P4HA3: variants seen among roughly 807,000 people sequenced by gnomAD.
The protein encoded by P4HA3 is prolyl 4-hydroxylase subunit alpha 3.
P4HA3 carries 60 observed loss-of-function variants against 66.7 expected under a neutral mutation model. The observed-to-expected ratio is 0.90, with a 90% CI of 0.73 to 1.12. P4HA3 has a LOEUF of 1.12. Ranked by LOEUF, P4HA3 falls within the 50% of genes most tolerant of loss-of-function variation. The pLI, the probability that P4HA3 is intolerant of heterozygous loss-of-function variation, is 0.00. For missense variants in P4HA3, 683 were observed against 685.8 expected, an observed-to-expected ratio of 1.00 and a Z score of 0.05; for synonymous variants, 263 against 274.6, an observed-to-expected ratio of 0.96 and a Z score of 0.42.
chr11:74,251,318 G>T, intron 15 of P4HA3: 1 of 1,362,004 alleles, frequency 7.3e-7, no homozygotes, highest in Non-Finnish European at 9.4e-7. Context: ...GGGATGATTA[G>T]GGTAGAAACT....
chr11:74,278,668 G>A (rs1183815287), intron 8 of P4HA3, among the ~76,000 whole-genome samples: 2 of 152,158 alleles, frequency 1.3e-5, no homozygotes, highest in African/African-American at 4.8e-5. Context: ...CAATGAGGCT[G>A]AGGTCATAGG....
intron 9 of P4HA3, among the ~76,000 whole-genome samples, chr11:74,276,010 T>C (rs533620994): frequency 6.6e-6 from 1 of 152,318 alleles, no homozygotes; most frequent in Admixed American, 6.5e-5. Flanking sequence ...GCAACATGGA[T>C]GGAGCTGGAG....
chr11:74,268,210 C>T lies in P4HA3; in HGVS notation c.1499G>A (p.Arg500Lys). The T allele has an allele frequency of 6.2e-7, 1 of 1,614,108 alleles. No homozygotes were observed. The highest frequency in any genetic ancestry group is 8.5e-7 in the Non-Finnish European group (1 of 1,179,988). The part of the protein sequence containing the change: ...NAALFWWNLH[R>K]SGEGDSDTLH... ...TGTGTCACTGTCCCCTTCACCACTC[C>T]TGTGCAGGTTCCACCAAAACAGTGC... Residue 500 changes from arginine to lysine, a missense_variant, in exon 12 of 13, where the codon AGG becomes AAG. Transcript: ENST00000331597.
At chr11:74,250,896 C>A in intron 15 of P4HA3, 1 of 1,431,314 alleles carries the variant, frequency 7.0e-7, no homozygotes, top group Non-Finnish European at 9.7e-7. Flanking sequence ...ACCTATGAGG[C>A]TGCATAAGAG....
intron 5 of P4HA3, chr11:74,287,261 G>A (rs1050278780): frequency 8.5e-6 from 11 of 1,289,260 alleles, no homozygotes; most frequent in Admixed American, 2.3e-5. Context: ...TCTCTGAGGA[G>A]CCCAGTGTGC....
chr11:74,256,235 G>A lies in P4HA3; in HGVS notation c.*1318+3688C>T, dbSNP rs527739489. Among the ~76,000 whole-genome samples, 3 of 152,272 alleles carry A rather than the reference G, an allele frequency of 2.0e-5. No individual in the cohort carries two copies. The East Asian group carries it at 5.8e-4, about 29-fold the overall frequency. ...GGGACCCTGGGCAGAAGTCATTTTG[G>A]ACCAGATACTTAAAAGAGCAGAAGG... is the stretch of plus-strand genomic sequence containing the variant. On this transcript the variant is annotated intron_variant and NMD_transcript_variant, in intron 15 of 15. Coordinates refer to the P4HA3 transcript ENST00000524388.
intron 10 of P4HA3, among the ~76,000 whole-genome samples, chr11:74,271,541 T>A (rs1367427633): frequency 1.1e-4 from 16 of 152,090 alleles, no homozygotes; most frequent in Admixed American, 7.9e-4. Context: ...CTTTTTTTTT[T>A]AATAGAGACA....
chr11:74,255,577 TGAG>T (rs1565399834), intron 15 of P4HA3, among the ~76,000 whole-genome samples: 1 of 152,138 alleles, frequency 6.6e-6, no homozygotes, highest in Non-Finnish European at 1.5e-5. Flanking sequence ...CACAGGGTCT[TGAG>T]GATTATACAA....
chr11:74,311,446 G>A lies in P4HA3; in HGVS notation c.166C>T (p.Arg56Cys), dbSNP rs762230194. 11 of 1,538,516 alleles carry A rather than the reference G, an allele frequency of 7.1e-6. No homozygotes were observed. The African/African-American group carries it at 1.3e-4, about 18-fold the overall frequency. ...RLLGLLRRYLRGEEARLRDLT... is the reference protein window; with the variant it reads ...RLLGLLRRYLCGEEARLRDLT... ...TCCCGCAGCCGCGCCTCCTCCCCGC[G>A]CAGGTACCGCCTCAGCAGCCCCAGC... The change falls in exon 1 of 13, where the codon CGC becomes TGC. Residue 56 changes from arginine to cysteine, a missense_variant. Transcript: ENST00000331597.
chr11:74,255,271 G>T (rs1448887793), intron 15 of P4HA3, among the ~76,000 whole-genome samples: 1 of 152,052 alleles, frequency 6.6e-6, no homozygotes, highest in African/African-American at 2.4e-5. Context: ...CCCACCTCAG[G>T]TCTACCACCA....
In P4HA3 at chr11:74,298,377, G is replaced by T; in HGVS notation, c.568-16C>A. 1.8e-5 allele frequency: 29 copies of T among 1,610,448 alleles called. No homozygotes were observed. The highest frequency in any genetic ancestry group is 2.5e-5 in the Non-Finnish European group (29 of 1,178,408). ...CATAGGCCACCTACACAGAACACAA[G>T]TACCATCGCCAAAGCCTTATTCCAC... is the stretch of plus-strand genomic sequence containing the variant. On this transcript the variant is annotated splice_polypyrimidine_tract_variant and intron_variant, in intron 3 of 12. Coordinates refer to ENST00000331597, the MANE Select transcript of P4HA3 (RefSeq NM_182904.5).
chr11:74,269,169 C>G (rs1417968610), intron 11 of P4HA3, among the ~76,000 whole-genome samples: 1 of 148,194 alleles, frequency 6.7e-6, no homozygotes, highest in Non-Finnish European at 1.5e-5. Flanking sequence ...TGAAGCAAAC[C>G]TCTTAGACTC....
intron 1 of P4HA3, among the ~76,000 whole-genome samples, chr11:74,311,104 T>TG (rs1291895189): frequency 6.6e-6 from 1 of 152,012 alleles, no homozygotes; most frequent in Non-Finnish European, 1.5e-5. Context: ...ACGCTGGATA[T>TG]GGGGGGTGCC....
downstream of P4HA3, among the ~76,000 whole-genome samples, chr11:74,266,038 C>T (rs1859985310): frequency 2.0e-5 from 3 of 151,992 alleles, no homozygotes; most frequent in African/African-American, 7.3e-5. Flanking sequence ...TGAGCCACTG[C>T]ATTGAGTGGA....
intron 1 of P4HA3, among the ~76,000 whole-genome samples, chr11:74,309,441 T>C (rs550174848): frequency 3.9e-5 from 6 of 152,322 alleles, no homozygotes; most frequent in Non-Finnish European, 7.4e-5. Context: ...TGCTCTCTTC[T>C]GAGAATGTAA....
chr11:74,284,008 A>G (rs1860697080), intron 7 of P4HA3, among the ~76,000 whole-genome samples: 1 of 152,232 alleles, frequency 6.6e-6, no homozygotes, highest in African/African-American at 2.4e-5. Context: ...CTCACTGTAA[A>G]AGCCCAGCAC....
chr11:74,252,123 T>TTC (rs1379947948), intron 15 of P4HA3, among the ~76,000 whole-genome samples: 18 of 144,384 alleles, frequency 1.2e-4, no homozygotes, highest in African/African-American at 4.8e-4. Flanking sequence ...TTTTTTTTTT[T>TTC]CTTGGCACAG....
chr11:74,287,439 T>C, intron 5 of P4HA3: 1 of 846,070 alleles, frequency 1.2e-6, no homozygotes, highest in Non-Finnish European at 1.7e-6. Context: ...CAACTTGCCA[T>C]GTTCTATTAT....
At position 74,289,146 on chromosome 11, in the gene P4HA3, A is replaced by T. The variant is rs759782150; in HGVS notation, c.718-16T>A. The T allele has an allele frequency of 1.3e-6, 2 of 1,567,044 alleles. No individual in the cohort carries two copies. The highest frequency in any genetic ancestry group is 2.3e-5 in the East Asian group (1 of 43,282). On this transcript the variant is annotated splice_polypyrimidine_tract_variant and intron_variant, in intron 4 of 12. Coordinates refer to ENST00000331597, the MANE Select transcript of P4HA3 (RefSeq NM_182904.5). ...CATTTCCTGCCTGTTAAAAAAAAAAAAAAGAAAAGAAAGCATTAACTTCAC... is the reference window on the plus strand; with the variant it reads ...CATTTCCTGCCTGTTAAAAAAAAAATAAAGAAAAGAAAGCATTAACTTCAC...
Sources: gnomAD v4.1 joint callset for allele counts (sites outside exome capture counted in the v4.1 genomes callset) on GRCh38, gnomAD v4.1.1 for gene constraint, MANE v1.5 for transcripts, NCBI Gene and HGNC (gene_info 2026-07-23, HGNC 2026-07-21) for gene names.